EGFR: variants seen among roughly 807,000 people sequenced by gnomAD.
EGFR encodes avian erythroblastic leukemia viral (v-erb-b) oncogene homolog.
Under a neutral mutation model 143.0 loss-of-function variants are expected in EGFR, and 58 were observed. That is an observed-to-expected ratio of 0.41 (90% CI 0.33 to 0.50). The LOEUF (loss-of-function observed/expected upper bound fraction) is 0.50, where lower values mean the gene tolerates loss of function less well. Ranked by LOEUF, EGFR falls within the 20% of genes least tolerant of loss-of-function variation. The pLI, the probability that EGFR is intolerant of heterozygous loss-of-function variation, is 0.39. For missense variants in EGFR, 1,307 were observed against 1,579.0 expected (o/e 0.83, Z 2.92); for synonymous variants, 613 against 594.4 (o/e 1.03, Z -0.45).
intron 1 of EGFR, among the ~76,000 whole-genome samples, chr7:55,111,154 G>A (rs569478317): frequency 6.6e-5 from 10 of 152,132 alleles, no homozygotes; most frequent in Non-Finnish European, 1.0e-4. Flanking sequence ...GGTATCGCGC[G>A]GTGTGTGCTC....
At chr7:55,078,475 G>T (rs1246830716) in intron 1 of EGFR, among the ~76,000 whole-genome samples, 2 of 152,186 alleles carry the variant, frequency 1.3e-5, no homozygotes, top group African/African-American at 4.8e-5. Flanking sequence ...GGGATGCCTC[G>T]GTGCATAGGG....
intron 1 of EGFR, among the ~76,000 whole-genome samples, chr7:55,024,709 T>C (rs573757764): frequency 6.6e-6 from 1 of 152,182 alleles, no homozygotes; most frequent in African/African-American, 2.4e-5. Flanking sequence ...GTTTGAGCCA[T>C]GATGAGTGAT....
intron 22 of EGFR, among the ~76,000 whole-genome samples, chr7:55,193,822 T>C (rs1287540214): frequency 1.3e-5 from 2 of 152,226 alleles, no homozygotes; most frequent in African/African-American, 4.8e-5. Context: ...ATTTTTTCTT[T>C]TTCCTATAGC....
intron 13 of EGFR, among the ~76,000 whole-genome samples, chr7:55,161,945 C>G (rs748933150): frequency 2.6e-5 from 4 of 152,202 alleles, no homozygotes; most frequent in Non-Finnish European, 5.9e-5. Context: ...AGACAGTCAT[C>G]AATGGTTCAT....
intron 1 of EGFR, among the ~76,000 whole-genome samples, chr7:55,095,680 T>TA (rs1791419088): frequency 6.9e-6 from 1 of 145,448 alleles, no homozygotes; most frequent in Non-Finnish European, 1.5e-5. Context: ...TACACAGAAA[T>TA]ACACACAGAC....
intron 1 of EGFR, among the ~76,000 whole-genome samples, chr7:55,052,870 G>A (rs1401697434): frequency 2.0e-5 from 3 of 152,102 alleles, no homozygotes; most frequent in Non-Finnish European, 2.9e-5. Context: ...GCAGGAGCTC[G>A]CACAGCTCTT....
At chr7:55,049,009 C>T (rs546760883) in intron 1 of EGFR, among the ~76,000 whole-genome samples, 1 of 152,224 alleles carries the variant, frequency 6.6e-6, no homozygotes, top group East Asian at 1.9e-4. Flanking sequence ...CACAGATGCC[C>T]TACAGCAGCA....
chr7:55,080,654 T>G (rs1790410393), intron 1 of EGFR, among the ~76,000 whole-genome samples: 1 of 152,150 alleles, frequency 6.6e-6, no homozygotes, highest in African/African-American at 2.4e-5. Flanking sequence ...GACAATGTAT[T>G]GTATACATGA....
At chr7:55,202,405 G>T (rs1787888289) in intron 26 of EGFR, 112 bp from the exon 27 acceptor site, 1 of 933,028 alleles carries the variant, frequency 1.1e-6, no homozygotes, top group South Asian at 1.5e-5. Flanking sequence ...TCTCAGGCCT[G>T]CCCAACCTAC....
intron 1 of EGFR, among the ~76,000 whole-genome samples, chr7:55,104,668 C>A (rs935539051): frequency 2.6e-5 from 4 of 152,212 alleles, no homozygotes; most frequent in Non-Finnish European, 5.9e-5. Context: ...TCTGCCCTGC[C>A]TGGCTTGATC....
chr7:55,140,945 A>G (rs1584138916), intron 1 of EGFR, among the ~76,000 whole-genome samples: 1 of 152,338 alleles, frequency 6.6e-6, no homozygotes, highest in Middle Eastern at 3.4e-3. Flanking sequence ...TCCATGGCTC[A>G]TTGAGAGGGC....
chr7:55,029,701 C>T lies in EGFR; in HGVS notation c.88+10336C>T, dbSNP rs200035752. Among the ~76,000 whole-genome samples, 9 of 152,194 alleles carry T rather than the reference C, an allele frequency of 5.9e-5. No homozygotes were observed. In the East Asian group the frequency reaches 1.5e-3, roughly 26 times the overall value. On this transcript the variant is annotated intron_variant, in intron 1 of 27. Transcript: ENST00000275493. ...GTTGTTAAGGGAGTTTTTCTTAGTACGCGGCTTAACATATTTTTTTCTGTA... is the reference window on the plus strand; with the variant it reads ...GTTGTTAAGGGAGTTTTTCTTAGTATGCGGCTTAACATATTTTTTTCTGTA...
chr7:55,052,719 G>A (rs1788560388), intron 1 of EGFR, among the ~76,000 whole-genome samples: 1 of 152,216 alleles, frequency 6.6e-6, no homozygotes. Context: ...CACAGTGGTT[G>A]ACACAGTCAA....
At chr7:55,151,424 G>A (rs1019600475) in intron 5 of EGFR, 62 bp downstream of exon 5, 2 of 1,557,222 alleles carry the variant, frequency 1.3e-6, no homozygotes, top group Non-Finnish European at 8.9e-7. Context: ...CACTTGCTTA[G>A]GTGATTGGAT....
At chr7:55,033,811 T>G (rs1010049290) in intron 1 of EGFR, among the ~76,000 whole-genome samples, 2 of 152,228 alleles carry the variant, frequency 1.3e-5, no homozygotes, top group African/African-American at 2.4e-5. Context: ...TCACTTTGCT[T>G]CCCTGGTGGG....
At chr7:55,024,042 CT>C (rs1266202809) in intron 1 of EGFR, among the ~76,000 whole-genome samples, 7 of 152,188 alleles carry the variant, frequency 4.6e-5, no homozygotes, top group African/African-American at 1.7e-4. Flanking sequence ...ACTAGTTTGC[CT>C]GTAATTTTCA....
At chr7:55,199,011 C>A in intron 23 of EGFR, 148 bp downstream of exon 23, 2 of 1,046,250 alleles carry the variant, frequency 1.9e-6, no homozygotes, top group Non-Finnish European at 2.8e-6. Context: ...GTAAATACCC[C>A]TTCAAGCATT....
chr7:55,067,209 G>C (rs573611024), intron 1 of EGFR, among the ~76,000 whole-genome samples: 5 of 152,354 alleles, frequency 3.3e-5, no homozygotes, highest in African/African-American at 1.2e-4. Flanking sequence ...GATTTCAGGA[G>C]CAAAGGTCAG....
In EGFR at chr7:55,201,254, G is replaced by A. The variant is rs2128971601; in HGVS notation, c.3013G>A (p.Glu1005Lys). ...SNFYRALMDE[E>K]DMDDVVDADE... Reference sequence around the variant, plus strand: ...CTTCTACCGTGCCCTGATGGATGAAGAAGACATGGACGACGTGGTGGATGC... The same window carrying A: ...CTTCTACCGTGCCCTGATGGATGAAAAAGACATGGACGACGTGGTGGATGC... The change falls in exon 25 of 28, where the codon GAA becomes AAA. Residue 1005 changes from glutamate to lysine, a missense_variant. Around this residue, in one of 7 missense-constraint regions of EGFR, gnomAD observed 313 missense variants for 312.3 expected, o/e 1.00. Coordinates refer to ENST00000275493, the MANE Select transcript of EGFR (RefSeq NM_005228.5). The A allele has an allele frequency of 1.2e-6, 2 of 1,614,184 alleles. No individual in the cohort carries two copies. Among genetic ancestry groups the A allele is most frequent in the Non-Finnish European group, 8.5e-7 (1 of 1,180,040 alleles).
Sources: gnomAD v4.1 joint callset for allele counts (sites outside exome capture counted in the v4.1 genomes callset) on GRCh38, gnomAD v4.1.1 for gene constraint, gnomAD v4.1.1 regional missense constraint, MANE v1.5 for transcripts, NCBI Gene and HGNC (gene_info 2026-07-23, HGNC 2026-07-21) for gene names.